The following C8orf34 variants were observed in gnomAD, a reference collection of about 807,000 sequenced individuals.
C8orf34 encodes the protein uncharacterized protein C8orf34.
In C8orf34, 65 loss-of-function variants were observed where a neutral mutation model predicts 68.3. The ratio of observed to expected loss-of-function variants is 0.95; its 90% CI spans 0.78 to 1.17. C8orf34 has a LOEUF of 1.17. C8orf34 is among the 50% of genes most tolerant of loss of function. The pLI is 0.00. For missense variants in C8orf34, 664 were observed against 655.4 expected (o/e 1.01, Z -0.14); for synonymous variants, 244 against 241.2 (o/e 1.01, Z -0.11).
chr8:68,473,874 T>C lies in C8orf34; in HGVS notation c.736+5054T>C, dbSNP rs184132565. Among the ~76,000 whole-genome samples the C allele has an allele frequency of 1.9e-3, 292 of 152,290 alleles. 1 individual carries two copies. Among genetic ancestry groups the C allele is most frequent in the Non-Finnish European group, 3.6e-3 (242 of 68,030 alleles). On this transcript the variant is annotated intron_variant, in intron 4 of 13. Transcript: ENST00000518698. ...TCTTCATGTTACAAAATTTCTCTGG[T>C]AGTTGTAACCCTGTTGATTACGCTG...
chr8:68,610,599 A>G (rs1025946260), intron 7 of C8orf34, among the ~76,000 whole-genome samples: 1 of 152,184 alleles, frequency 6.6e-6, no homozygotes, highest in Non-Finnish European at 1.5e-5. Context: ...AGTCTTAGGT[A>G]TCTACTAAGC....
chr8:68,654,596 G>A (rs1047669548), intron 8 of C8orf34, among the ~76,000 whole-genome samples: 28 of 151,942 alleles, frequency 1.8e-4, no homozygotes, highest in Middle Eastern at 3.4e-3. Flanking sequence ...CAAATACATC[G>A]TATATTATAA....
chr8:68,468,485 C>T (rs978110029), intron 3 of C8orf34, among the ~76,000 whole-genome samples: 5 of 152,046 alleles, frequency 3.3e-5, no homozygotes, highest in Non-Finnish European at 7.4e-5. Flanking sequence ...AACTCCACCA[C>T]ACTTCCCTTT....
chr8:68,331,412 C>T (rs374323316), intron 1 of C8orf34, 73 bp downstream of exon 1: 10 of 1,432,266 alleles, frequency 7.0e-6, no homozygotes, highest in East Asian at 2.5e-5. Context: ...CAGAACACTC[C>T]CAATCCCACC....
intron 8 of C8orf34, among the ~76,000 whole-genome samples, chr8:68,682,340 C>T (rs948157568): frequency 6.6e-6 from 1 of 152,054 alleles, no homozygotes; most frequent in Admixed American, 6.6e-5. Context: ...ATATGTACAC[C>T]TGCTATGTGC....
At chr8:68,729,710 T>G (rs1471530858) in intron 10 of C8orf34, among the ~76,000 whole-genome samples, 2 of 152,202 alleles carry the variant, frequency 1.3e-5, no homozygotes, top group Non-Finnish European at 2.9e-5. Context: ...ATATAATTCT[T>G]GTATAAAACA....
At chr8:68,710,204 G>A (rs140979611) in intron 9 of C8orf34, among the ~76,000 whole-genome samples, 2,398 of 151,904 alleles carry the variant, frequency 0.016, 27 homozygotes, top group South Asian at 0.029. Flanking sequence ...AAGAAGTACC[G>A]CAGGAACATA....
At chr8:68,567,112 G>A (rs1479660895) in intron 7 of C8orf34, among the ~76,000 whole-genome samples, 1 of 152,016 alleles carries the variant, frequency 6.6e-6, no homozygotes, top group Non-Finnish European at 1.5e-5. Flanking sequence ...TCCTTTTCTC[G>A]TTTTGGTATT....
chr8:68,615,881 G>T (rs924516221), intron 7 of C8orf34, among the ~76,000 whole-genome samples: 2 of 151,276 alleles, frequency 1.3e-5, no homozygotes, highest in Non-Finnish European at 1.5e-5. Flanking sequence ...GTTCCTCCTT[G>T]TACCTCTGGT....
At chr8:68,559,744 CTT>C (rs574665547) in intron 7 of C8orf34, among the ~76,000 whole-genome samples, 65 of 152,240 alleles carry the variant, frequency 4.3e-4, no homozygotes, top group African/African-American at 1.5e-3. Flanking sequence ...TAGCCAGGAA[CTT>C]CAAAATTTGA....
At chr8:68,596,387 G>A (rs1264235839) in intron 7 of C8orf34, among the ~76,000 whole-genome samples, 1 of 152,092 alleles carries the variant, frequency 6.6e-6, no homozygotes, top group East Asian at 1.9e-4. Context: ...TTTACCTTTA[G>A]AAATTAATAT....
intron 5 of C8orf34, among the ~76,000 whole-genome samples, chr8:68,503,850 G>T (rs561267971): frequency 1.3e-5 from 2 of 152,018 alleles, no homozygotes; most frequent in African/African-American, 4.8e-5. Context: ...GTTAGACCCA[G>T]TTAGATCTGG....
intron 1 of C8orf34, among the ~76,000 whole-genome samples, chr8:68,416,480 ATATGAAT>A (rs570243866): frequency 9.1e-4 from 139 of 152,062 alleles, no homozygotes; most frequent in African/African-American, 3.1e-3. Context: ...TTGAATAAAC[ATATGAAT>A]TAGTATTTTA....
chr8:68,551,723 G>C (rs994432563), intron 7 of C8orf34, among the ~76,000 whole-genome samples: 1 of 152,020 alleles, frequency 6.6e-6, no homozygotes, highest in African/African-American at 2.4e-5. Flanking sequence ...TTGCATCTCT[G>C]TCTTTTAGTG....
intron 7 of C8orf34, 83 bp downstream of exon 7, chr8:68,533,232 T>G: frequency 6.8e-7 from 1 of 1,478,688 alleles, no homozygotes; most frequent in African/African-American, 1.4e-5. Context: ...TTTTAAAAGT[T>G]TTGAATAGCC....
rs778680320 is a variant in C8orf34, at chr8:68,439,531, T to C, written c.360T>C (p.Pro120=). The part of the protein sequence containing the change: ...ELMTKLITET[P]DQPIPFLIDH... ...TGACCAAGTTAATAACTGAGACACCTGACCAGCCAATCCCATTTCTCATTG... is the reference window on the plus strand; with the variant it reads ...TGACCAAGTTAATAACTGAGACACCCGACCAGCCAATCCCATTTCTCATTG... Residue 120 remains proline, a synonymous_variant, in exon 2 of 14, where the codon CCT becomes CCC. Transcript: ENST00000518698. 3.0e-5 allele frequency: 48 copies of C among 1,613,730 alleles called. No homozygotes were observed. The African/African-American group carries it at 5.6e-4, about 19-fold the overall frequency.
intron 1 of C8orf34, among the ~76,000 whole-genome samples, chr8:68,422,301 C>G (rs577549634): frequency 1.3e-5 from 2 of 152,326 alleles, no homozygotes; most frequent in Admixed American, 1.3e-4. Flanking sequence ...TAGTTACTTC[C>G]TTGATGCAAT....
chr8:68,451,650 C>T (rs995609735), intron 3 of C8orf34, among the ~76,000 whole-genome samples: 4 of 151,968 alleles, frequency 2.6e-5, no homozygotes, highest in African/African-American at 9.7e-5. Context: ...ATTAAGTTCA[C>T]CATCTTACAT....
chr8:68,816,072 A>G, intron 13 of C8orf34, 127 bp downstream of exon 13: 1 of 1,462,734 alleles, frequency 6.8e-7, no homozygotes, highest in East Asian at 2.4e-5. Context: ...TTTTTCTCCA[A>G]GTATCCTGCA....
Sources: gnomAD v4.1 joint callset for allele counts (sites outside exome capture counted in the v4.1 genomes callset) on GRCh38, gnomAD v4.1.1 for gene constraint, MANE v1.5 for transcripts, NCBI Gene and HGNC (gene_info 2026-07-23, HGNC 2026-07-21) for gene names.